MYH16: variants seen among roughly 807,000 people sequenced by gnomAD.
MYH16 encodes myosin heavy chain 16, also known as putative uncharacterized protein MYH16.
intron 9 of MYH16, among the ~76,000 whole-genome samples, chr7:99,257,033 A>G (rs1015511791): frequency 6.6e-6 from 1 of 152,278 alleles, no homozygotes; most frequent in Admixed American, 6.5e-5. Flanking sequence ...ACATTGTCAC[A>G]TCATTCTGAT....
At chr7:99,282,829 C>CAA (rs59018303) in intron 23 of MYH16, among the ~76,000 whole-genome samples, 2,298 of 140,406 alleles carry the variant, frequency 0.016, 71 homozygotes, top group African/African-American at 0.055. Flanking sequence ...GATCCTATCT[C>CAA]AAAAAAAAAA....
At chr7:99,289,869 AT>A (rs1446329486) in intron 30 of MYH16, among the ~76,000 whole-genome samples, 1 of 152,194 alleles carries the variant, frequency 6.6e-6, no homozygotes, top group African/African-American at 2.4e-5. Context: ...ACTAGTTAAT[AT>A]CCTATAGGAC....
intron 33 of MYH16, 55 bp downstream of exon 14, chr7:99,294,205 C>A: frequency 2.3e-6 from 1 of 432,466 alleles, no homozygotes; most frequent in Non-Finnish European, 4.6e-6. Context: ...GAGCCCACAG[C>A]AGGGCTAGGG....
intron 19 of MYH16, among the ~76,000 whole-genome samples, chr7:99,271,597 T>A (rs1000521050): frequency 7.9e-5 from 12 of 152,188 alleles, no homozygotes; most frequent in Non-Finnish European, 1.3e-4. Flanking sequence ...TTTTTAAAAA[T>A]TTTTTTACTG....
chr7:99,268,030 G>A (rs1792004765), intron 18 of MYH16, among the ~76,000 whole-genome samples: 1 of 152,156 alleles, frequency 6.6e-6, no homozygotes, highest in South Asian at 2.1e-4. Flanking sequence ...AACACTTATG[G>A]TGCGCCTACT....
chr7:99,283,881 T>C (rs1337257115), exon 25 of MYH16: 1 of 455,726 alleles, frequency 2.2e-6, no homozygotes, highest in African/African-American at 2.0e-5. Context: ...AGCTGGAGGA[T>C]AACTGGGAGC....
chr7:99,265,882 CA>C (rs142818371), intron 17 of MYH16, among the ~76,000 whole-genome samples: 1,648 of 152,286 alleles, frequency 0.011, 29 homozygotes, highest in African/African-American at 0.038. Context: ...GACACTTGCC[CA>C]AATTTCAACT....
At chr7:99,306,628 C>T (rs1435413915) in exon 42 of MYH16, 1 of 152,672 alleles carries the variant, frequency 6.5e-6, no homozygotes, top group African/African-American at 2.4e-5. Flanking sequence ...GCCAACCAGA[C>T]CTTGGCTCGA....
intron 12 of MYH16, chr7:99,260,707 C>A (rs1268646667): frequency 5.7e-6 from 1 of 176,760 alleles, no homozygotes; most frequent in South Asian, 1.4e-4. Context: ...CACGCTCTGA[C>A]CCAGGCAATA....
chr7:99,261,384 T>C (rs1035433566), intron 12 of MYH16: 1 of 153,020 alleles, frequency 6.5e-6, no homozygotes, highest in Non-Finnish European at 1.5e-5. Context: ...GGCCCTGGGC[T>C]CAGTACCAGT....
intron 28 of MYH16, chr7:99,286,633 C>G (rs932615108): frequency 6.6e-6 from 1 of 152,150 alleles, no homozygotes; most frequent in African/African-American, 2.4e-5. Flanking sequence ...TGCTAGGTTC[C>G]TGAGATGGAC....
intron 32 of MYH16, among the ~76,000 whole-genome samples, 196 bp downstream of exon 13, chr7:99,292,704 A>T (rs1191351677): frequency 6.6e-6 from 1 of 152,210 alleles, no homozygotes; most frequent in Non-Finnish European, 1.5e-5. Context: ...TCATGCCTGT[A>T]ATTCCAGCAC....
intron 18 of MYH16, among the ~76,000 whole-genome samples, chr7:99,269,508 T>C (rs567204036): frequency 6.6e-6 from 1 of 152,242 alleles, no homozygotes; most frequent in South Asian, 2.1e-4. Flanking sequence ...ACTCCTGGGC[T>C]CAAGTGATCC....
intron 20 of MYH16, among the ~76,000 whole-genome samples, chr7:99,275,147 C>T (rs1175441718): frequency 6.6e-6 from 1 of 151,950 alleles, no homozygotes; most frequent in Non-Finnish European, 1.5e-5. Flanking sequence ...GTGTGTGCCA[C>T]CATGCCCAGC....
chr7:99,284,916 G>A (rs188409566), exon 26 of MYH16: 78 of 456,686 alleles, frequency 1.7e-4, no homozygotes, highest in East Asian at 4.9e-4. Context: ...ACGCTGCAGC[G>A]GAAACTGAAG....
At chr7:99,302,317 TAC>T (rs201230482) in intron 38 of MYH16, among the ~76,000 whole-genome samples, 6,403 of 95,356 alleles carry the variant, frequency 0.067, 291 homozygotes, top group Middle Eastern at 0.12. Context: ...AAAAAATATA[TAC>T]ACACACACAC....
intron 10 of MYH16, chr7:99,257,977 A>G (rs1332995859): frequency 6.6e-6 from 1 of 152,146 alleles, no homozygotes; most frequent in African/African-American, 2.4e-5. Context: ...TGTAGAAACT[A>G]CATCTTTGTT....
intron 1 of MYH16, among the ~76,000 whole-genome samples, chr7:99,241,869 T>G (rs1016785345): frequency 2.0e-5 from 3 of 151,070 alleles, no homozygotes; most frequent in Non-Finnish European, 3.0e-5. Context: ...GTTTTTTTTT[T>G]TTGTTTAGTT....
intron 27 of MYH16, among the ~76,000 whole-genome samples, chr7:99,286,003 T>C (rs935059224): frequency 6.6e-6 from 1 of 152,242 alleles, no homozygotes; most frequent in Admixed American, 6.5e-5. Flanking sequence ...TTACTAAGCC[T>C]GTGGGATGAC....
Sources: gnomAD v4.1 joint callset for allele counts (sites outside exome capture counted in the v4.1 genomes callset) on GRCh38, gnomAD v4.1.1 for gene constraint, MANE v1.5 for transcripts, NCBI Gene and HGNC (gene_info 2026-07-23, HGNC 2026-07-21) for gene names.